The following MYO19 variants were observed in gnomAD, a reference collection of about 807,000 sequenced individuals.
MYO19 encodes myosin XIX.
MYO19 carries 132 observed loss-of-function variants against 129.2 expected under a neutral mutation model. The ratio of observed to expected loss-of-function variants is 1.02; its 90% CI spans 0.89 to 1.18. The LOEUF (loss-of-function observed/expected upper bound fraction) is 1.18, where lower values mean the gene tolerates loss of function less well. MYO19 is among the 50% of genes most tolerant of loss of function. The probability of loss-of-function intolerance (pLI) is 0.00; values close to 1 mark genes in which losing one functional copy is unlikely to be tolerated. For synonymous variants in MYO19, 531 were observed against 477.2 expected, an observed-to-expected ratio of 1.11 and a Z score of -1.47; for missense variants, 1,210 against 1,216.7, an observed-to-expected ratio of 0.99 and a Z score of 0.08.
Position 36,499,102 on chromosome 17 carries a change from G to T in MYO19, c.2436C>A (p.Val812=). ...TCCACTTCTGCCATGCACGCTTGAT[G>T]ACTGTGGCAGCTGCATGCAGCCTCT... The part of the protein sequence containing the change: ...HIQRLHAAAT[V]IKRAWQKWRI... Residue 812 remains valine (V), a synonymous_variant, in exon 24 of 26, where the codon GTC becomes GTA. Coordinates refer to ENST00000614623, the MANE Select transcript of MYO19 (RefSeq NM_001163735.2). 2 of 1,610,498 alleles carry T rather than the reference G, an allele frequency of 1.2e-6. No homozygotes were observed. The highest frequency in any genetic ancestry group is 2.2e-5 in the South Asian group (2 of 90,050).
Position 36,515,853 on chromosome 17 carries a change from CT to C in MYO19, c.547+4del, listed in dbSNP as rs1417325770. 6.2e-7 allele frequency: 1 copy of C among 1,609,150 alleles called. No individual in the cohort carries two copies. Among genetic ancestry groups the C allele is most frequent in the Non-Finnish European group, 8.5e-7 (1 of 1,176,032 alleles). Reference sequence around the variant, plus strand: ...GAGATACTGTGCAAAGGAGCCCAAGCTCACCAAAAGCTTCCATGACAGGGTT... The same window carrying C: ...GAGATACTGTGCAAAGGAGCCCAAGCCACCAAAAGCTTCCATGACAGGGTT... On this transcript the variant is annotated splice_donor_region_variant and intron_variant, in intron 7 of 25. Coordinates refer to ENST00000614623, the MANE Select transcript of MYO19 (RefSeq NM_001163735.2).
At chr17:36,521,598 A>C (rs2073132845) in intron 6 of MYO19, among the ~76,000 whole-genome samples, 1 of 152,216 alleles carries the variant, frequency 6.6e-6, no homozygotes, top group African/African-American at 2.4e-5. Flanking sequence ...TCCAAGTTAA[A>C]AAGACCCACA....
At position 36,503,104 on chromosome 17, in the gene MYO19, C is replaced by A. The variant is rs962706995; in HGVS notation, c.2073G>T (p.Gly691=). ...CTCATGGGTCCCACTCACCAGGGAG[C>A]CCTTTGGCAGGATATGGGCTGTCGG... The part of the protein sequence containing the change: ...SGPDSPYPAK[G]LPEWCPHSEE... Residue 691 remains glycine (G), a synonymous_variant, in exon 21 of 26, where the codon GGG becomes GGT. Coordinates refer to ENST00000614623, the MANE Select transcript of MYO19 (RefSeq NM_001163735.2). 2 of 1,613,546 alleles carry A rather than the reference C, an allele frequency of 1.2e-6. No homozygotes were observed. The highest frequency in any genetic ancestry group is 2.2e-5 in the South Asian group (2 of 91,068).
At chr17:36,521,463 A>G (rs769714111) in intron 6 of MYO19, among the ~76,000 whole-genome samples, 19 of 152,258 alleles carry the variant, frequency 1.2e-4, no homozygotes, top group Non-Finnish European at 2.6e-4. Flanking sequence ...AAAGGAGGAT[A>G]GGTGAGAAAA....
rs1004696851 is a variant in MYO19 at position 36,525,122 on chromosome 17, T to A, written c.414+106A>T. 4.9e-6 allele frequency: 4 copies of A among 810,808 alleles called. No individual in the cohort carries two copies. In the African/African-American group the frequency reaches 5.1e-5, roughly 10 times the overall value. The allele number at this position is 810,808 out of a possible 1,614,324, so 50.2% of individuals were successfully genotyped here. On this transcript the variant is annotated intron_variant, in intron 6 of 25. Coordinates refer to ENST00000614623, the MANE Select transcript of MYO19 (RefSeq NM_001163735.2). ...CAGCTTCAGCCAGCCTATGTGGGAA[T>A]GATTAGGAAGCAAACAACTCCACAA...
intron 11 of MYO19, chr17:36,513,042 AACAC>A (rs1268225359): frequency 4.4e-6 from 5 of 1,140,306 alleles, no homozygotes; most frequent in Non-Finnish European, 4.5e-6. Flanking sequence ...AAGGGAAATA[AACAC>A]ACACAGAGGA....
chr17:36,513,201 T>C (rs752512299), intron 11 of MYO19: 3 of 1,426,444 alleles, frequency 2.1e-6, no homozygotes, highest in Non-Finnish European at 2.7e-6. Flanking sequence ...TACTGCATTC[T>C]GTACTCTAGC....
chr17:36,516,513 G>A (rs2072759552), intron 6 of MYO19, among the ~76,000 whole-genome samples: 3 of 152,226 alleles, frequency 2.0e-5, no homozygotes, highest in Admixed American at 2.0e-4. Flanking sequence ...TAGGATTACA[G>A]GCGCACGCCA....
chr17:36,539,597 C>A (rs1282997965), upstream of MYO19, among the ~76,000 whole-genome samples: 2 of 126,152 alleles, frequency 1.6e-5, no homozygotes, highest in Admixed American at 7.9e-5. Context: ...AACAGTGAGA[C>A]CCTGTCTACA....
intron 17 of MYO19, 177 bp from the exon 18 acceptor site, chr17:36,506,785 A>G (rs964470164): frequency 4.6e-6 from 5 of 1,077,494 alleles, no homozygotes; most frequent in Middle Eastern, 4.3e-4. Flanking sequence ...GGTTATCTCC[A>G]GGCAGGTCAT....
chr17:36,538,954 A>G (rs144931880), upstream of MYO19: 247 of 190,660 alleles, frequency 1.3e-3, 2 homozygotes, highest in African/African-American at 5.5e-3. Flanking sequence ...GGGTTTTGCC[A>G]TATTGGCCAG....
Position 36,509,142 on chromosome 17 carries a change from G to A in MYO19, c.1158-7C>T, listed in dbSNP as rs370363281. On this transcript the variant is annotated splice_polypyrimidine_tract_variant and splice_region_variant and intron_variant, in intron 13 of 25. Coordinates refer to ENST00000614623, the MANE Select transcript of MYO19 (RefSeq NM_001163735.2). ...TACCAGCCAGTCAAACAACCTGTTG[G>A]GGGAAGAGAGTGGACTCTGGTAAGA... 3.1e-5 allele frequency: 50 copies of A among 1,613,420 alleles called. No individual in the cohort carries two copies. The African/African-American group carries it at 6.4e-4, about 21-fold the overall frequency.
At chr17:36,536,348 C>CT (rs776906240), upstream of MYO19, among the ~76,000 whole-genome samples, 52 of 152,222 alleles carry the variant, frequency 3.4e-4, no homozygotes, top group Admixed American at 6.5e-4. Flanking sequence ...TCAAAATGTA[C>CT]TTGGCCCCTA....
At chr17:36,522,437 G>A (rs976465488) in intron 6 of MYO19, among the ~76,000 whole-genome samples, 1 of 151,134 alleles carries the variant, frequency 6.6e-6, no homozygotes, top group Non-Finnish European at 1.5e-5. Context: ...TTGAACCCAG[G>A]AGGCGGAGGT....
intron 6 of MYO19, among the ~76,000 whole-genome samples, 189 bp downstream of exon 6, chr17:36,525,039 C>T (rs2142321256): frequency 6.6e-6 from 1 of 152,304 alleles, no homozygotes; most frequent in East Asian, 1.9e-4. Context: ...AGAGCCTGGA[C>T]TGGTATCCTG....
chr17:36,518,612 A>G (rs1426218502), intron 6 of MYO19, among the ~76,000 whole-genome samples: 3 of 142,594 alleles, frequency 2.1e-5, no homozygotes, highest in Admixed American at 1.4e-4. Context: ...AAAAGTATGT[A>G]TATATATGTC....
At chr17:36,510,122 T>C (rs1009680752) in intron 13 of MYO19, among the ~76,000 whole-genome samples, 1 of 152,246 alleles carries the variant, frequency 6.6e-6, no homozygotes, top group African/African-American at 2.4e-5. Context: ...ACACTCATTC[T>C]GGCTCATCTC....
intron 24 of MYO19, 164 bp from the exon 25 acceptor site, chr17:36,498,723 A>C (rs143414798): frequency 2.8e-6 from 2 of 711,114 alleles, no homozygotes; most frequent in East Asian, 2.7e-5. Context: ...ATATGCCACA[A>C]GTCTATACAC....
At position 36,495,670 on chromosome 17, in the gene MYO19, T is replaced by G; in HGVS notation, c.*581A>C. On this transcript the variant is annotated 3_prime_UTR_variant, in exon 26 of 26. Coordinates refer to ENST00000614623, the MANE Select transcript of MYO19 (RefSeq NM_001163735.2). ...AATGTTTTACTTTTGGTACAGTTGA[T>G]AGACATCATAAACGATATCAAGCTT... 1.6e-6 allele frequency: 2 copies of G among 1,280,190 alleles called. No homozygotes were observed. The highest frequency in any genetic ancestry group is 2.0e-6 in the Non-Finnish European group (2 of 1,016,634). The allele number at this position is 1,280,190 out of a possible 1,614,324, so 79.3% of individuals were successfully genotyped here. A position where few individuals can be genotyped will look rare whatever the true frequency, so the allele number is the denominator to read the frequency against.
Sources: allele counts gnomAD v4.1 joint callset (sites outside exome capture counted in the v4.1 genomes callset), GRCh38; gene constraint gnomAD v4.1.1; transcripts MANE v1.5; gene names NCBI Gene and HGNC (gene_info 2026-07-23, HGNC 2026-07-21).